Variants in MYH15 observed in about 807,000 individuals in gnomAD.
The protein encoded by MYH15 is myosin-15.
Under a neutral mutation model 240.5 loss-of-function variants are expected in MYH15, and 227 were observed. The observed-to-expected ratio is 0.94, with a 90% confidence interval of 0.85 to 1.05. MYH15 has a LOEUF of 1.05. Among genes scored for constraint, MYH15 ranks in the 50% least tolerant of loss-of-function variants. The probability of loss-of-function intolerance (pLI) is 0.00; values close to 1 mark genes in which losing one functional copy is unlikely to be tolerated. For synonymous variants in MYH15, 785 were observed against 796.7 expected, an observed-to-expected ratio of 0.99 and a Z score of 0.25; for missense variants, 2,217 against 2,247.5, an observed-to-expected ratio of 0.99 and a Z score of 0.27.
upstream of MYH15, among the ~76,000 whole-genome samples, chr3:108,531,405 C>T (rs1026165935): frequency 2.0e-5 from 3 of 152,028 alleles, no homozygotes; most frequent in Non-Finnish European, 2.9e-5. Context: ...TGAGTTCTCA[C>T]GGGCACTTGA....
intron 12 of MYH15, among the ~76,000 whole-genome samples, chr3:108,475,699 T>C (rs756376492): frequency 6.6e-6 from 1 of 152,208 alleles, no homozygotes. Flanking sequence ...GAGATTTTAG[T>C]GTGTGTGCAT....
chr3:108,459,385 T>A lies in MYH15; in HGVS notation c.1997A>T (p.Asn666Ile). 6.2e-7 allele frequency: 1 copy of A among 1,602,804 alleles called. No homozygotes were observed. Among genetic ancestry groups the A allele is most frequent in the Non-Finnish European group, 8.5e-7 (1 of 1,175,154 alleles). Reference sequence around the variant, plus strand: ...ACCTGGTATTTTGTTCACATTGGGATTTATGCATCTCACAAAATGAGGTGC... The same window carrying A: ...ACCTGGTATTTTGTTCACATTGGGAATTATGCATCTCACAAAATGAGGTGC... Reference protein sequence around the residue: ...STAPHFVRCINPNVNKIPGIL... With the variant: ...STAPHFVRCIIPNVNKIPGIL... The change falls in exon 18 of 41, where the codon AAT becomes ATT. Residue 666 changes from asparagine (N) to isoleucine (I), a missense_variant. Physicochemically the swap from Asn to Ile is moderately radical, Grantham distance 149. Transcript: ENST00000693548.
At chr3:108,447,080 C>G (rs1489865577) in intron 21 of MYH15, among the ~76,000 whole-genome samples, 4 of 151,968 alleles carry the variant, frequency 2.6e-5, no homozygotes, top group Non-Finnish European at 4.4e-5. Context: ...AACAAAATGG[C>G]TGGACTGAAA....
At chr3:108,396,926 T>G (rs2082466081) in intron 35 of MYH15, among the ~76,000 whole-genome samples, 1 of 152,208 alleles carries the variant, frequency 6.6e-6, no homozygotes, top group Non-Finnish European at 1.5e-5. Flanking sequence ...GGGCAGTTCC[T>G]TGGGATTATC....
chr3:108,461,896 A>G (rs1289470207), intron 16 of MYH15: 1 of 152,160 alleles, frequency 6.6e-6, no homozygotes, highest in Admixed American at 6.5e-5. Context: ...GGGAGTTAAC[A>G]TGCAGCTGGG....
At chr3:108,546,679 GAAGCTTACTCC>G in the MYH15 span, among the ~76,000 whole-genome samples, 2 of 152,152 alleles carry the variant, frequency 1.3e-5, no homozygotes, top group African/African-American at 2.4e-5. Context: ...TGGAAGGAAA[GAAGCTTACTCC>G]TTCTTGCATT....
chr3:108,501,193 T>C (rs2083435313), intron 3 of MYH15, among the ~76,000 whole-genome samples: 1 of 152,176 alleles, frequency 6.6e-6, no homozygotes, highest in East Asian at 1.9e-4. Flanking sequence ...ATGCTACATC[T>C]TAGCTTAATC....
In MYH15 at chr3:108,492,397, T is replaced by C. The variant is rs973005298; in HGVS notation, c.871+103A>G. The C allele has an allele frequency of 1.7e-5, 12 of 717,312 alleles. No homozygotes were observed. The African/African-American group carries it at 2.1e-4, about 13-fold the overall frequency. The allele number at this position is 717,312 out of a possible 1,614,324, so 44.4% of individuals were successfully genotyped here. On this transcript the variant is annotated intron_variant, in intron 9 of 40. Transcript: ENST00000693548. ...TTTTAAGGATGAATATACTGAGGTCTAAATAGGCTAAGAAACTTACCGAAT... is the reference window on the plus strand; with the variant it reads ...TTTTAAGGATGAATATACTGAGGTCCAAATAGGCTAAGAAACTTACCGAAT...
intron 25 of MYH15, among the ~76,000 whole-genome samples, chr3:108,436,320 T>G (rs544187229): frequency 3.9e-4 from 59 of 152,362 alleles, no homozygotes; most frequent in African/African-American, 1.4e-3. Flanking sequence ...TATCATCATT[T>G]TGCTTTAATT....
chr3:108,425,041 A>C (rs368820435), intron 27 of MYH15, among the ~76,000 whole-genome samples: 16 of 152,246 alleles, frequency 1.1e-4, no homozygotes, highest in African/African-American at 3.4e-4. Context: ...AATGTTAGCA[A>C]GGTTAAAAGA....
intron 25 of MYH15, among the ~76,000 whole-genome samples, chr3:108,435,894 G>T (rs1451125236): frequency 6.6e-6 from 1 of 151,264 alleles, no homozygotes; most frequent in Non-Finnish European, 1.5e-5. Flanking sequence ...ATGTATCAGT[G>T]AATATTTAGG....
chr3:108,437,508 A>G (rs765509295), intron 25 of MYH15, 46 bp downstream of exon 25: 2 of 1,584,218 alleles, frequency 1.3e-6, no homozygotes, highest in South Asian at 2.4e-5. Context: ...TGTTCCTTCT[A>G]ATATAAGGTC....
At chr3:108,455,904 T>C in intron 19 of MYH15, 45 bp from the exon 20 acceptor site, 1 of 1,566,058 alleles carries the variant, frequency 6.4e-7, no homozygotes. Flanking sequence ...GAAATCATAT[T>C]ATTCAAATAA....
intron 1 of MYH15, among the ~76,000 whole-genome samples, chr3:108,520,129 C>A (rs1469397506): frequency 2.0e-5 from 3 of 152,106 alleles, no homozygotes; most frequent in African/African-American, 7.2e-5. Context: ...TTAAGTCTAG[C>A]AGGGACCAAG....
At chr3:108,403,895 G>T (rs552297523) in intron 33 of MYH15, among the ~76,000 whole-genome samples, 1 of 151,938 alleles carries the variant, frequency 6.6e-6, no homozygotes, top group Non-Finnish European at 1.5e-5. Context: ...TGTAGCTGAC[G>T]AGACACAGGC....
chr3:108,447,357 G>A (rs1201512149), intron 21 of MYH15, among the ~76,000 whole-genome samples: 1 of 152,020 alleles, frequency 6.6e-6, no homozygotes, highest in African/African-American at 2.4e-5. Context: ...CGAACAACTA[G>A]ATTCATTAAG....
chr3:108,508,603 T>A (rs967553846), intron 1 of MYH15, among the ~76,000 whole-genome samples: 1 of 152,212 alleles, frequency 6.6e-6, no homozygotes. Context: ...ACTTGAAGAA[T>A]AATGTATGAA....
Position 108,391,948 on chromosome 3 carries a change from G to C in MYH15, c.5260-18C>G. On this transcript the variant is annotated intron_variant, in intron 36 of 40. Coordinates refer to ENST00000693548, the MANE Select transcript of MYH15 (RefSeq NM_014981.3). ...TTTGCTGCCTAGGGGGTTAAAAAAA[G>C]GGACTGAGCTAGTTCAGCAGTCAAT... 6.2e-7 allele frequency: 1 copy of C among 1,612,234 alleles called. No individual in the cohort carries two copies. The highest frequency in any genetic ancestry group is 8.5e-7 in the Non-Finnish European group (1 of 1,179,200).
At chr3:108,528,032 G>A (rs2083685857) in intron 1 of MYH15, among the ~76,000 whole-genome samples, 2 of 152,106 alleles carry the variant, frequency 1.3e-5, no homozygotes, top group African/African-American at 4.8e-5. Flanking sequence ...TCAACTTTTT[G>A]TAAGAACCCA....
Sources: gnomAD v4.1 joint callset for allele counts (sites outside exome capture counted in the v4.1 genomes callset) on GRCh38, gnomAD v4.1.1 for gene constraint, MANE v1.5 for transcripts, NCBI Gene and HGNC (gene_info 2026-07-23, HGNC 2026-07-21) for gene names.